The following ATRIP variants were observed in gnomAD, a reference collection of about 807,000 sequenced individuals.
ATRIP encodes the protein ATR interacting protein.
In ATRIP, 44 loss-of-function variants were observed where a neutral mutation model predicts 78.1. The observed-to-expected ratio is 0.56, with a 90% CI of 0.44 to 0.72. The LOEUF is 0.72. Among genes scored for constraint, ATRIP ranks in the 30% least tolerant of loss-of-function variants. ATRIP has a pLI of 0.00. For synonymous variants in ATRIP, 388 were observed against 408.9 expected, an observed-to-expected ratio of 0.95 and a Z score of 0.62; for missense variants, 927 against 980.2, an observed-to-expected ratio of 0.95 and a Z score of 0.72.
chr3:48,457,107 C>G (rs1054933891), intron 4 of ATRIP, 152 bp from the exon 5 acceptor site: 1 of 578,130 alleles, frequency 1.7e-6, no homozygotes, highest in Non-Finnish European at 2.6e-6. Context: ...CACTGCTCCT[C>G]TGACAAAGAA....
intron 12 of ATRIP, 72 bp downstream of exon 12, chr3:48,465,155 C>T (rs2040243047): frequency 3.2e-6 from 5 of 1,550,570 alleles, no homozygotes; most frequent in Non-Finnish European, 4.4e-6. Context: ...AGTCAGATTC[C>T]TGGGTGTCCC....
chr3:48,464,547 C>T, intron 10 of ATRIP, 35 bp from the exon 11 acceptor site: 2 of 1,606,666 alleles, frequency 1.2e-6, no homozygotes, highest in Non-Finnish European at 1.7e-6. Context: ...TGGTCTCCTT[C>T]TGCCCAGGAT....
At position 48,466,683 on chromosome 3, in the gene ATRIP, C is replaced by T; in HGVS notation, c.*1129C>T. 2 of 1,614,062 alleles carry T rather than the reference C, an allele frequency of 1.2e-6. No individual in the cohort carries two copies. Among genetic ancestry groups the T allele is most frequent in the East Asian group, 2.2e-5 (1 of 44,858 alleles). The stretch of plus-strand genomic sequence containing the variant: ...GGGCTCGCAGGCCCTGCCCCCGGGG[C>T]CCATGCAGACCCTCATCTTTTTCGA... On this transcript the variant is annotated 3_prime_UTR_variant, in exon 13 of 13. Coordinates refer to ENST00000320211, the MANE Select transcript of ATRIP (RefSeq NM_130384.3).
intron 12 of ATRIP, 136 bp from the exon 13 acceptor site, chr3:48,465,351 C>A: frequency 1.1e-6 from 1 of 940,878 alleles, no homozygotes; most frequent in Non-Finnish European, 1.6e-6. Context: ...ACTTTGTTTG[C>A]AGTAGCTGAG....
chr3:48,447,134 A>C (rs375576948), intron 1 of ATRIP, 42 bp downstream of exon 1: 14 of 1,448,448 alleles, frequency 9.7e-6, no homozygotes, highest in Non-Finnish European at 1.2e-5. Context: ...GGAGTTGTCA[A>C]CCGCGCCAGA....
Position 48,447,029 on chromosome 3 carries a change from G to GT in ATRIP, c.184_185insT (p.Glu62ValfsTer3). On this transcript the variant is annotated frameshift_variant, in exon 1 of 13. Coordinates refer to ENST00000320211, the MANE Select transcript of ATRIP (RefSeq NM_130384.3). LOFTEE classifies it high-confidence loss of function. ...GGACTTCACTGCCGACGACCTGGAG[G>GT]AGCTTGACACCCTCGCGTCACAGGC... The GT allele has an allele frequency of 6.4e-7, 1 of 1,574,010 alleles. No homozygotes were observed. The highest frequency in any genetic ancestry group is 8.6e-7 in the Non-Finnish European group (1 of 1,162,632).
In ATRIP at chr3:48,460,769, C is replaced by A; in HGVS notation, c.1715C>A (p.Ala572Asp). ...TGCCTTAAGGTTTTGGTGAAATTAG[C>A]CGAAAACACTTCCTGTGATTTCTTG... ...TQCLKVLVKL[A>D]ENTSCDFLPR... Residue 572 changes from alanine to aspartate, a missense_variant, in exon 8 of 13, where the codon GCC becomes GAC. Transcript: ENST00000320211. The A allele has an allele frequency of 6.2e-7, 1 of 1,600,884 alleles. No homozygotes were observed. The highest frequency in any genetic ancestry group is 8.6e-7 in the Non-Finnish European group (1 of 1,169,152).
At chr3:48,459,636 C>A in intron 6 of ATRIP, 151 bp from the exon 7 acceptor site, 1 of 1,202,070 alleles carries the variant, frequency 8.3e-7, no homozygotes, top group Non-Finnish European at 1.2e-6. Context: ...AGGTATGTCC[C>A]AGAGCCTTCC....
chr3:48,459,544 C>T lies in ATRIP; in HGVS notation c.925+90C>T, dbSNP rs542941966. 4.9e-4 allele frequency: 661 copies of T among 1,349,024 alleles called. 5 individuals are homozygous for T. Among genetic ancestry groups the T allele is most frequent in the Middle Eastern group, 1.9e-4 (1 of 5,390 alleles). 83.6% of individuals were successfully genotyped at this position (1,349,024 alleles called of 1,614,324 possible). On this transcript the variant is annotated intron_variant, in intron 6 of 12. Coordinates refer to ENST00000320211, the MANE Select transcript of ATRIP (RefSeq NM_130384.3). ...CCCAGGCCTCTGAGAACCGGTGCCCCGGGCAGTCCTTCAGAGAGTCCAGGG... is the reference window on the plus strand; with the variant it reads ...CCCAGGCCTCTGAGAACCGGTGCCCTGGGCAGTCCTTCAGAGAGTCCAGGG...
chr3:48,456,393 A>T (rs2039955044), intron 4 of ATRIP, among the ~76,000 whole-genome samples: 4 of 152,196 alleles, frequency 2.6e-5, no homozygotes, highest in South Asian at 4.2e-4. Flanking sequence ...AGCCTAGGCA[A>T]CATGGTGAAA....
chr3:48,458,929 C>G (rs1206304361), intron 5 of ATRIP, among the ~76,000 whole-genome samples: 1 of 152,198 alleles, frequency 6.6e-6, no homozygotes, highest in Admixed American at 6.5e-5. Flanking sequence ...CCCAGTAATG[C>G]TGTTAACTGG....
intron 4 of ATRIP, among the ~76,000 whole-genome samples, chr3:48,456,082 T>C (rs1408912503): frequency 6.6e-6 from 1 of 151,858 alleles, no homozygotes; most frequent in Admixed American, 6.6e-5. Context: ...ATCACACCAC[T>C]GCACTCCAGC....
intron 2 of ATRIP, chr3:48,450,653 C>T: frequency 1.3e-6 from 1 of 772,636 alleles, no homozygotes. Flanking sequence ...GTGACACAAT[C>T]TTGGCTCACT....
Position 48,466,443 on chromosome 3 carries a change from G to C in ATRIP, c.*889G>C. ...ACCCTCTCAGACAGTCGAATGTGCT[G>C]GTCCCACTAAGGAAACCACCTCACC... On this transcript the variant is annotated 3_prime_UTR_variant, in exon 13 of 13. Coordinates refer to ENST00000320211, the MANE Select transcript of ATRIP (RefSeq NM_130384.3). The C allele has an allele frequency of 6.2e-7, 1 of 1,612,886 alleles. No homozygotes were observed. Among genetic ancestry groups the C allele is most frequent in the Non-Finnish European group, 8.5e-7 (1 of 1,179,678 alleles).
At chr3:48,449,413 C>CAAAAAAAA (rs1297709851) in intron 1 of ATRIP, among the ~76,000 whole-genome samples, 13 of 60,096 alleles carry the variant, frequency 2.2e-4, no homozygotes, top group African/African-American at 9.1e-4. Context: ...GACTCTGTCT[C>CAAAAAAAA]AAAAAAAAAA....
At chr3:48,448,471 G>A (rs1297648836) in intron 1 of ATRIP, among the ~76,000 whole-genome samples, 2 of 152,104 alleles carry the variant, frequency 1.3e-5, no homozygotes, top group Non-Finnish European at 2.9e-5. Context: ...TGAGCCATCC[G>A]CACCCAGCCA....
At chr3:48,449,770 C>CAAA (rs779657943) in intron 1 of ATRIP, among the ~76,000 whole-genome samples, 59 of 43,286 alleles carry the variant, frequency 1.4e-3, no homozygotes, top group African/African-American at 3.6e-3. Context: ...TACTAAAATC[C>CAAA]AAAAAAAAAA....
intron 8 of ATRIP, among the ~76,000 whole-genome samples, chr3:48,462,485 C>T (rs1284940180): frequency 6.6e-6 from 1 of 152,108 alleles, no homozygotes; most frequent in African/African-American, 2.4e-5. Flanking sequence ...GGGTGGATCA[C>T]GAGGTCAGGA....
At chr3:48,461,225 A>C (rs2040101318) in intron 8 of ATRIP, 1 of 159,894 alleles carries the variant, frequency 6.3e-6, no homozygotes, top group South Asian at 1.9e-4. Flanking sequence ...CCTTGCTGGG[A>C]GTCTCTGCCT....
Sources: allele counts gnomAD v4.1 joint callset (sites outside exome capture counted in the v4.1 genomes callset), GRCh38; gene constraint gnomAD v4.1.1; transcripts MANE v1.5; gene names NCBI Gene and HGNC (gene_info 2026-07-23, HGNC 2026-07-21).